The following KIAA0319 variants were observed in gnomAD, a reference collection of about 807,000 sequenced individuals.
KIAA0319 encodes the protein KIAA0319.
In KIAA0319, 83 loss-of-function variants were observed where a neutral mutation model predicts 108.4. The observed-to-expected ratio is 0.77, with a 90% CI of 0.64 to 0.92. KIAA0319 has a LOEUF of 0.92. KIAA0319 is among the 40% of genes least tolerant of loss of function. The pLI is 0.00. For missense variants in KIAA0319, 1,195 were observed against 1,322.4 expected, an observed-to-expected ratio of 0.90 and a Z score of 1.49; for synonymous variants, 484 against 510.4, an observed-to-expected ratio of 0.95 and a Z score of 0.70.
rs1354243448 is a variant in KIAA0319, at chr6:24,599,725, TGAA to T, written c.55+1321_55+1323del. ...ACCAACTCCTTCAGGGCCATGGTTGTGAAGAAGATCGAGATTTGTGATAGGAAA... is the reference window on the plus strand; with the variant it reads ...ACCAACTCCTTCAGGGCCATGGTTGTGAAGATCGAGATTTGTGATAGGAAA... On this transcript the variant is annotated intron_variant, in intron 2 of 20. Transcript: ENST00000378214. This position sits in a 1 kb window ranked among gnomAD's most constrained non-coding sequence, Gnocchi z 4.1. 7.0e-6 allele frequency: 4 copies of T among 571,220 alleles called. No individual in the cohort carries two copies. Among genetic ancestry groups the T allele is most frequent in the African/African-American group, 1.9e-5 (1 of 52,618 alleles). The allele number at this position is 571,220 out of a possible 1,614,324, so 35.4% of individuals were successfully genotyped here. A position where few individuals can be genotyped will look rare whatever the true frequency, so the allele number is the denominator to read the frequency against.
intron 1 of KIAA0319, among the ~76,000 whole-genome samples, chr6:24,642,405 G>A (rs2127602838): frequency 6.6e-6 from 1 of 152,246 alleles, no homozygotes; most frequent in East Asian, 1.9e-4. Flanking sequence ...TCATCTTAAT[G>A]ATGAAAACAA....
chr6:24,617,855 C>T (rs776316925), intron 1 of KIAA0319, among the ~76,000 whole-genome samples: 5 of 152,044 alleles, frequency 3.3e-5, no homozygotes, highest in Admixed American at 6.6e-5. Flanking sequence ...GATGTGGTGG[C>T]GCACACCTAT....
At chr6:24,626,009 T>C (rs919753151) in intron 1 of KIAA0319, among the ~76,000 whole-genome samples, 9 of 152,316 alleles carry the variant, frequency 5.9e-5, no homozygotes, top group Non-Finnish European at 1.2e-4. Context: ...TGGAATATTA[T>C]TTGGCAATAA....
chr6:24,542,191 G>A (rs185043109), downstream of KIAA0319, among the ~76,000 whole-genome samples: 77 of 152,242 alleles, frequency 5.1e-4, no homozygotes, highest in African/African-American at 1.8e-3. Context: ...AGTCATCCTT[G>A]TTGAAATTAT....
At chr6:24,601,640 G>T (rs1413044167) in intron 1 of KIAA0319, among the ~76,000 whole-genome samples, 1 of 152,216 alleles carries the variant, frequency 6.6e-6, no homozygotes, top group Non-Finnish European at 1.5e-5. Flanking sequence ...CAGCTCGCTA[G>T]AAGTGGGGCA....
At chr6:24,607,922 T>C (rs16889513) in intron 1 of KIAA0319, among the ~76,000 whole-genome samples, 4,089 of 152,214 alleles carry the variant, frequency 0.027, 149 homozygotes, top group African/African-American at 0.084. Flanking sequence ...AACGAACTAA[T>C]TGGCAGCATA....
At chr6:24,609,590 A>C (rs181069694) in intron 1 of KIAA0319, among the ~76,000 whole-genome samples, 10 of 152,276 alleles carry the variant, frequency 6.6e-5, no homozygotes, top group African/African-American at 2.4e-4. Flanking sequence ...ACCAACAAAC[A>C]AACAAACAAA....
At chr6:24,625,467 C>T (rs1321735488) in intron 1 of KIAA0319, among the ~76,000 whole-genome samples, 2 of 152,074 alleles carry the variant, frequency 1.3e-5, no homozygotes, top group Admixed American at 1.3e-4. Flanking sequence ...CCATAGCTAA[C>T]ATCATATATA....
intron 19 of KIAA0319, among the ~76,000 whole-genome samples, chr6:24,554,110 G>A (rs1029579830): frequency 1.3e-5 from 2 of 152,186 alleles, no homozygotes; most frequent in African/African-American, 4.8e-5. Context: ...TTAACCTGTG[G>A]GATCTGACGC....
chr6:24,635,632 A>G (rs1776106275), intron 1 of KIAA0319, among the ~76,000 whole-genome samples: 1 of 152,162 alleles, frequency 6.6e-6, no homozygotes, highest in African/African-American at 2.4e-5. Context: ...AAAGAACCCA[A>G]AAGCAGCTTA....
At chr6:24,607,974 G>A (rs1461316086) in intron 1 of KIAA0319, among the ~76,000 whole-genome samples, 6 of 151,948 alleles carry the variant, frequency 3.9e-5, no homozygotes, top group African/African-American at 1.5e-4. Context: ...GTCTCAAGGA[G>A]AAAACAATTT....
At chr6:24,601,284 A>G (rs1246650018) in intron 1 of KIAA0319, 76 bp from the exon 2 acceptor site, 1 of 1,414,300 alleles carries the variant, frequency 7.1e-7, no homozygotes, top group Non-Finnish European at 9.2e-7. Context: ...TATTTCTATC[A>G]TTCATTCATG....
chr6:24,559,517 T>G lies in KIAA0319; in HGVS notation c.2592-362A>C, dbSNP rs528644628. Among the ~76,000 whole-genome samples, 15 of 152,222 alleles carry G rather than the reference T, an allele frequency of 9.9e-5. 1 individual carries two copies. In the South Asian group the frequency reaches 2.7e-3, roughly 27 times the overall value. ...GTGTTACATCCATGGGGATGGAAGC[T>G]CCCATGCACAGGACCCTTCTAGATC... is the stretch of plus-strand genomic sequence containing the variant. On this transcript the variant is annotated intron_variant, in intron 16 of 20. Transcript: ENST00000378214.
intron 1 of KIAA0319, among the ~76,000 whole-genome samples, chr6:24,623,040 T>C (rs983827800): frequency 2.0e-5 from 3 of 150,820 alleles, no homozygotes; most frequent in African/African-American, 7.3e-5. Context: ...CTCCATCTCA[T>C]TAAAAGAAAA....
At chr6:24,555,352 C>G (rs1762128727) in intron 18 of KIAA0319, among the ~76,000 whole-genome samples, 1 of 152,010 alleles carries the variant, frequency 6.6e-6, no homozygotes, top group African/African-American at 2.4e-5. Context: ...CAAAAATTAG[C>G]TGGACATGAT....
intron 16 of KIAA0319, among the ~76,000 whole-genome samples, chr6:24,563,153 C>T (rs1763325838): frequency 6.6e-6 from 1 of 152,218 alleles, no homozygotes; most frequent in Non-Finnish European, 1.5e-5. Flanking sequence ...TCCCAATCAG[C>T]AAACATTTAC....
At chr6:24,583,860 G>A (rs541991271) in intron 4 of KIAA0319, among the ~76,000 whole-genome samples, 158 bp from the exon 5 acceptor site, 1 of 152,058 alleles carries the variant, frequency 6.6e-6, no homozygotes, top group African/African-American at 2.4e-5. Context: ...TTTTCCTCTG[G>A]CTAGAAATTG....
At chr6:24,580,035 T>A (rs1026328815) in intron 7 of KIAA0319, 85 bp from the exon 8 acceptor site, 1 of 1,035,564 alleles carries the variant, frequency 9.7e-7, no homozygotes, top group Non-Finnish European at 1.4e-6. Flanking sequence ...CTTTAAAAAA[T>A]TGATTATACA....
At position 24,617,294 on chromosome 6, in the gene KIAA0319, T is replaced by C. The variant is rs546720562; in HGVS notation, c.-105-16086A>G. On this transcript the variant is annotated intron_variant, in intron 1 of 20. Transcript: ENST00000378214. ...AGTAGCAGAGCACTTAATGGTAGGA[T>C]ACAATGTCTATGATACAGTATTATA... is the stretch of plus-strand genomic sequence containing the variant. 6.6e-5 allele frequency among the ~76,000 whole-genome samples: 10 copies of C among 152,178 alleles called. No individual in the cohort carries two copies. The South Asian group carries it at 1.5e-3, about 22-fold the overall frequency.
Sources: gnomAD v4.1 joint callset for allele counts (sites outside exome capture counted in the v4.1 genomes callset) on GRCh38, gnomAD v4.1.1 for gene constraint, Gnocchi (gnomAD v3.1) non-coding constraint, MANE v1.5 for transcripts, NCBI Gene and HGNC (gene_info 2026-07-23, HGNC 2026-07-21) for gene names.